The following DLG2 variants were observed in gnomAD, a reference collection of about 807,000 sequenced individuals.
The protein encoded by DLG2 is discs large MAGUK scaffold protein 2.
DLG2 carries 45 observed loss-of-function variants against 132.5 expected under a neutral mutation model. The ratio of observed to expected loss-of-function variants is 0.34; its 90% confidence interval spans 0.27 to 0.44. The LOEUF is 0.44. Ranked by LOEUF, DLG2 falls within the 20% of genes least tolerant of loss-of-function variation. DLG2 has a pLI of 1.00. For synonymous variants in DLG2, 424 were observed against 419.6 expected (o/e 1.01, Z -0.13); for missense variants, 1,045 against 1,196.9 (o/e 0.87, Z 1.87).
At chr11:85,248,951 G>C (rs2076266910) in intron 4 of DLG2, among the ~76,000 whole-genome samples, 1 of 152,034 alleles carries the variant, frequency 6.6e-6, no homozygotes, top group Non-Finnish European at 1.5e-5. Flanking sequence ...AATGACAGTA[G>C]AGGATATTTC....
chr11:84,859,405 T>TAC (rs974085534), intron 6 of DLG2, among the ~76,000 whole-genome samples: 4 of 145,330 alleles, frequency 2.8e-5, no homozygotes, highest in South Asian at 2.1e-4. Context: ...TATGTATATA[T>TAC]ACATATATAT....
At chr11:84,097,123 C>T (rs759814459) in intron 10 of DLG2, among the ~76,000 whole-genome samples, 11 of 152,276 alleles carry the variant, frequency 7.2e-5, no homozygotes, top group Non-Finnish European at 1.2e-4. Flanking sequence ...GCTCCATGCA[C>T]GCTAAAGTCA....
intron 19 of DLG2, among the ~76,000 whole-genome samples, chr11:83,604,886 G>A (rs1327170656): frequency 6.6e-6 from 1 of 152,174 alleles, no homozygotes; most frequent in Non-Finnish European, 1.5e-5. Flanking sequence ...TGAAATTTAT[G>A]GGAGGCTATT....
intron 3 of DLG2, among the ~76,000 whole-genome samples, chr11:85,376,504 A>G (rs777215883): frequency 6.6e-6 from 1 of 152,190 alleles, no homozygotes; most frequent in African/African-American, 2.4e-5. Flanking sequence ...ATATCACTCT[A>G]TAAGAGTTGT....
chr11:83,976,281 A>G (rs1388147889), intron 12 of DLG2, among the ~76,000 whole-genome samples: 1 of 151,986 alleles, frequency 6.6e-6, no homozygotes, highest in Non-Finnish European at 1.5e-5. Context: ...AGACCAGTTT[A>G]CTTACAGAAC....
chr11:84,803,461 T>C (rs1293837229), intron 6 of DLG2, among the ~76,000 whole-genome samples: 1 of 152,142 alleles, frequency 6.6e-6, no homozygotes, highest in Non-Finnish European at 1.5e-5. Context: ...TGGACTTTGA[T>C]ATGAGGGCCC....
At chr11:83,471,771 G>C in intron 23 of DLG2, 44 bp from the exon 24 acceptor site, 1 of 1,512,874 alleles carries the variant, frequency 6.6e-7, no homozygotes, top group South Asian at 1.1e-5. Flanking sequence ...GAAAGAGTTG[G>C]AAACAACTGC....
intron 8 of DLG2, among the ~76,000 whole-genome samples, chr11:84,241,434 A>T (rs1515087): frequency 0.98 from 149,424 of 152,308 alleles, 73,303 homozygotes; most frequent in East Asian, 1. Flanking sequence ...GAAGAAGCAT[A>T]ATTTAAGCTG....
intron 3 of DLG2, among the ~76,000 whole-genome samples, chr11:85,438,622 A>G (rs2091613424): frequency 6.6e-6 from 1 of 152,194 alleles, no homozygotes; most frequent in Non-Finnish European, 1.5e-5. Context: ...GGATACTGGC[A>G]TTGGTACCAC....
At chr11:85,390,304 A>G (rs2086688514) in intron 3 of DLG2, among the ~76,000 whole-genome samples, 1 of 152,170 alleles carries the variant, frequency 6.6e-6, no homozygotes, top group Non-Finnish European at 1.5e-5. Context: ...GGAAAATAGT[A>G]CAATTCTAAA....
At chr11:83,758,750 C>T (rs762247314) in intron 18 of DLG2, among the ~76,000 whole-genome samples, 1 of 151,942 alleles carries the variant, frequency 6.6e-6, no homozygotes, top group African/African-American at 2.4e-5. Context: ...AATTAAATAC[C>T]ACAGTTTCAA....
intron 9 of DLG2, among the ~76,000 whole-genome samples, chr11:84,129,322 G>A (rs547709102): frequency 1.3e-5 from 2 of 152,128 alleles, no homozygotes; most frequent in South Asian, 2.1e-4. Context: ...AGAAGTTTGG[G>A]TATTCAGGAA....
chr11:85,491,116 T>C (rs1375278715), intron 3 of DLG2, among the ~76,000 whole-genome samples: 2 of 152,062 alleles, frequency 1.3e-5, no homozygotes, highest in Admixed American at 6.5e-5. Context: ...ATGAATTTTA[T>C]ACTAGAGATG....
In DLG2 at chr11:84,322,596, A is replaced by ATTTT. The variant is rs59443223; in HGVS notation, c.520-71309_520-71306dup. 4.7e-3 allele frequency among the ~76,000 whole-genome samples: 700 copies of ATTTT among 149,108 alleles called. 4 individuals are homozygous for ATTTT. The highest frequency in any genetic ancestry group is 8.4e-3 in the Non-Finnish European group (568 of 67,264). On this transcript the variant is annotated intron_variant, in intron 7 of 27. Transcript: ENST00000376104. ...CAAAAGTCATAATAATTTCACAAGA[A>ATTTT]TTTTTTTTTTTTTGAGACAGTCTTA...
At chr11:83,896,837 A>G (rs1016790714) in intron 15 of DLG2, among the ~76,000 whole-genome samples, 6 of 152,208 alleles carry the variant, frequency 3.9e-5, no homozygotes, top group Non-Finnish European at 8.8e-5. Context: ...AGTTTATTGT[A>G]TGTAAATATA....
Position 85,093,720 on chromosome 11 carries a change from C to T in DLG2, c.357+17941G>A, listed in dbSNP as rs11234294. 1.7e-4 allele frequency among the ~76,000 whole-genome samples: 26 copies of T among 152,302 alleles called. No homozygotes were observed. The East Asian group carries it at 5.0e-3, about 29-fold the overall frequency. The stretch of plus-strand genomic sequence containing the variant: ...TATCACAAGAACAGCACAAGAAAAA[C>T]CTGCCCCCATGTTCAGTTACCCCCG... On this transcript the variant is annotated intron_variant, in intron 6 of 27. Transcript: ENST00000376104.
intron 3 of DLG2, among the ~76,000 whole-genome samples, chr11:85,372,932 A>G (rs2085104832): frequency 6.6e-6 from 1 of 152,158 alleles, no homozygotes; most frequent in African/African-American, 2.4e-5. Flanking sequence ...GTCTGTACCC[A>G]TTTCAAATGC....
At chr11:83,472,857 A>C in intron 22 of DLG2, 80 bp from the exon 23 acceptor site, 1 of 1,170,944 alleles carries the variant, frequency 8.5e-7, no homozygotes, top group Admixed American at 1.9e-5. Flanking sequence ...AAACACAGGA[A>C]ACAGACACAG....
chr11:84,228,892 T>C (rs2097049510), intron 8 of DLG2, among the ~76,000 whole-genome samples: 3 of 152,176 alleles, frequency 2.0e-5, no homozygotes, highest in Non-Finnish European at 4.4e-5. Context: ...CTGGGAGCCT[T>C]GGGTATAGTT....
Sources: gnomAD v4.1 joint callset for allele counts (sites outside exome capture counted in the v4.1 genomes callset) on GRCh38, gnomAD v4.1.1 for gene constraint, MANE v1.5 for transcripts, NCBI Gene and HGNC (gene_info 2026-07-23, HGNC 2026-07-21) for gene names.